Variants in CALHM4 observed in about 807,000 individuals in gnomAD.
CALHM4 encodes calcium homeostasis modulator protein 4.
In CALHM4, 16 loss-of-function variants were observed where a neutral mutation model predicts 13.3. That is an observed-to-expected ratio of 1.20 (90% confidence interval 0.81 to 1.82). The LOEUF is 1.82. Ranked by LOEUF, CALHM4 falls within the 40% of genes most tolerant of loss-of-function variation. The pLI is 0.00. For synonymous variants in CALHM4, 127 were observed against 137.1 expected (o/e 0.93, Z 0.52); for missense variants, 344 against 374.9 (o/e 0.92, Z 0.68).
At chr6:116,545,444 GA>G in intron 2 of CALHM4, 2 of 1,530,166 alleles carry the variant, frequency 1.3e-6, no homozygotes, top group Non-Finnish European at 1.8e-6. Flanking sequence ...CTCTGAAGTA[GA>G]AAAAATCTCT....
chr6:116,555,004 G>C (rs1774246490), intron 1 of CALHM4, among the ~76,000 whole-genome samples: 1 of 152,136 alleles, frequency 6.6e-6, no homozygotes. Context: ...ATTTCTCCAA[G>C]GGATCTGAGG....
chr6:116,533,478 T>G (rs2115200403), intron 1 of CALHM4, among the ~76,000 whole-genome samples: 1 of 152,292 alleles, frequency 6.6e-6, no homozygotes, highest in Middle Eastern at 3.4e-3. Context: ...ACCAGACAGC[T>G]AGAGTTGCAC....
upstream of CALHM4, among the ~76,000 whole-genome samples, chr6:116,553,206 T>A (rs1429820658): frequency 1.3e-5 from 2 of 152,258 alleles, no homozygotes; most frequent in African/African-American, 4.8e-5. Flanking sequence ...TTAAAATTTT[T>A]ATGCAAAGTT....
chr6:116,540,128 A>G (rs905667820), intron 1 of CALHM4, among the ~76,000 whole-genome samples: 4 of 152,186 alleles, frequency 2.6e-5, no homozygotes, highest in African/African-American at 9.7e-5. Flanking sequence ...ACTGTGAGAC[A>G]TATACTCTAC....
chr6:116,543,481 T>C, intron 1 of CALHM4: 3 of 1,208,472 alleles, frequency 2.5e-6, no homozygotes, highest in Non-Finnish European at 3.5e-6. Flanking sequence ...TAAAATCTGG[T>C]TTGAAGTAGC....
upstream of CALHM4, among the ~76,000 whole-genome samples, chr6:116,549,649 T>C (rs1422819753): frequency 5.3e-5 from 8 of 151,856 alleles, no homozygotes; most frequent in Non-Finnish European, 1.2e-4. Flanking sequence ...TGATATTTAT[T>C]TGATGGATTC....
At chr6:116,545,113 AT>A (rs1161660639) in intron 2 of CALHM4, among the ~76,000 whole-genome samples, 2 of 150,818 alleles carry the variant, frequency 1.3e-5, no homozygotes, top group Non-Finnish European at 3.0e-5. Context: ...ACACATATAT[AT>A]ATACATACAT....
At chr6:116,529,055 A>C (rs1274812718) in exon 1 of CALHM4, 1 of 152,320 alleles carries the variant, frequency 6.6e-6, no homozygotes, top group Non-Finnish European at 1.5e-5. Context: ...TGTGCTGAGA[A>C]CTGCTCTCTC....
chr6:116,541,529 G>A (rs1298139089), intron 1 of CALHM4, among the ~76,000 whole-genome samples: 3 of 152,140 alleles, frequency 2.0e-5, no homozygotes, highest in African/African-American at 7.2e-5. Context: ...AGACGGATTT[G>A]ATGTGAGAGT....
At chr6:116,538,904 A>G (rs1342199272) in intron 1 of CALHM4, among the ~76,000 whole-genome samples, 1 of 151,664 alleles carries the variant, frequency 6.6e-6, no homozygotes, top group Non-Finnish European at 1.5e-5. Context: ...TAATTTTTGT[A>G]TTTTTTTGTA....
chr6:116,555,578 T>A (rs1160858618), intron 1 of CALHM4, among the ~76,000 whole-genome samples: 1 of 152,182 alleles, frequency 6.6e-6, no homozygotes, highest in African/African-American at 2.4e-5. Flanking sequence ...ATTGAGAGAC[T>A]GATATTACTA....
At chr6:116,543,300 T>G in intron 1 of CALHM4, 1 of 1,545,336 alleles carries the variant, frequency 6.5e-7, no homozygotes, top group South Asian at 1.2e-5. Flanking sequence ...GACTTCCACT[T>G]ACATTTTATC....
chr6:116,530,910 T>C (rs894833295), intron 1 of CALHM4, among the ~76,000 whole-genome samples: 16 of 100,426 alleles, frequency 1.6e-4, no homozygotes, highest in Non-Finnish European at 8.4e-5. Flanking sequence ...CTCATATATA[T>C]ATATATATAT....
upstream of CALHM4, among the ~76,000 whole-genome samples, chr6:116,550,017 TATATATATACAC>T (rs1472909940): frequency 1.8e-3 from 123 of 69,306 alleles, no homozygotes; most frequent in African/African-American, 5.4e-3. Context: ...TATATATATA[TATATATATACAC>T]ACACACACAC....
chr6:116,540,460 C>G, intron 1 of CALHM4: 1 of 1,551,080 alleles, frequency 6.4e-7, no homozygotes, highest in Non-Finnish European at 8.7e-7. Flanking sequence ...AATGCCGTAA[C>G]CCCTGTGGAT....
intron 1 of CALHM4, chr6:116,543,327 T>A (rs1773577042): frequency 6.5e-7 from 1 of 1,549,576 alleles, no homozygotes; most frequent in Non-Finnish European, 8.7e-7. Context: ...TTGGTTCACA[T>A]CTTCATCCTT....
chr6:116,544,218 G>T (rs1282854929), intron 2 of CALHM4, among the ~76,000 whole-genome samples: 1 of 150,326 alleles, frequency 6.7e-6, no homozygotes, highest in Admixed American at 6.7e-5. Context: ...TAAAACAAAA[G>T]AATTTGAAAA....
intron 1 of CALHM4, among the ~76,000 whole-genome samples, chr6:116,532,716 A>C (rs1015647763): frequency 3.3e-5 from 5 of 152,262 alleles, no homozygotes; most frequent in African/African-American, 1.2e-4. Context: ...GGTCAACAGC[A>C]AATCGTTGGA....
intron 1 of CALHM4, among the ~76,000 whole-genome samples, chr6:116,541,976 T>C (rs1773492270): frequency 6.6e-6 from 1 of 152,194 alleles, no homozygotes; most frequent in African/African-American, 2.4e-5. Flanking sequence ...CAAAAATTTA[T>C]TCTTTAATAT....
Sources: allele counts gnomAD v4.1 joint callset (sites outside exome capture counted in the v4.1 genomes callset), GRCh38; gene constraint gnomAD v4.1.1; transcripts MANE v1.5; gene names NCBI Gene and HGNC (gene_info 2026-07-23, HGNC 2026-07-21).